Variants in PLXNA4 observed in about 807,000 individuals in gnomAD.
PLXNA4 encodes plexin-A4.
PLXNA4 carries 44 observed loss-of-function variants against 191.8 expected under a neutral mutation model. The observed-to-expected ratio is 0.23, with a 90% CI of 0.18 to 0.29. PLXNA4 has a LOEUF of 0.29. Among genes scored for constraint, PLXNA4 ranks in the 10% least tolerant of loss-of-function variants. The pLI is 1.00. For missense variants in PLXNA4, 1,800 were observed against 2,488.8 expected (o/e 0.72, Z 5.89); for synonymous variants, 1,082 against 1,009.5 (o/e 1.07, Z -1.36).
chr7:132,315,329 T>G (rs1213545835), intron 3 of PLXNA4, among the ~76,000 whole-genome samples: 4 of 152,160 alleles, frequency 2.6e-5, no homozygotes, highest in Admixed American at 6.5e-5. Context: ...GTTTCTACCC[T>G]CAAAGACTTC....
chr7:132,197,592 G>A (rs1239003304), intron 13 of PLXNA4, among the ~76,000 whole-genome samples: 2 of 152,278 alleles, frequency 1.3e-5, no homozygotes, highest in East Asian at 3.9e-4. Context: ...TAACTAAGTG[G>A]TGATGGACCA....
rs530290485 is a variant in PLXNA4 at position 132,274,143 on chromosome 7, C to T, written c.1503+23948G>A. 7.4e-4 allele frequency among the ~76,000 whole-genome samples: 112 copies of T among 152,134 alleles called. 6 individuals are homozygous for T. The South Asian group carries it at 0.023, about 31-fold the overall frequency. The stretch of plus-strand genomic sequence containing the variant: ...AAGGCAAAAATATGGTGACAGAATA[C>T]AGGTCAGTGATTTCCAGGTGCTGGA... On this transcript the variant is annotated intron_variant, in intron 4 of 31. Transcript: ENST00000321063.
intron 3 of PLXNA4, among the ~76,000 whole-genome samples, chr7:132,479,764 C>A (rs1797268148): frequency 6.6e-6 from 1 of 152,264 alleles, no homozygotes; most frequent in East Asian, 1.9e-4. Flanking sequence ...ATTCTCCTGC[C>A]TCAGCCTCTG....
chr7:132,450,998 C>G (rs1345353354), intron 3 of PLXNA4, among the ~76,000 whole-genome samples: 2 of 152,236 alleles, frequency 1.3e-5, no homozygotes. Flanking sequence ...AGGTCACCCT[C>G]TCTTCTGTAG....
rs546275527 is a variant in PLXNA4, at chr7:132,169,317, G to C, written c.4018-745C>G. On this transcript the variant is annotated intron_variant, in intron 21 of 31. Coordinates refer to ENST00000321063, the MANE Select transcript of PLXNA4 (RefSeq NM_020911.2). ...TCTGTTCATTGGGAGATCTCTGCAA[G>C]GGTGTACCATTCACTCAGCAAACAC... Among the ~76,000 whole-genome samples, 12 of 152,364 alleles carry C rather than the reference G, an allele frequency of 7.9e-5. No individual in the cohort carries two copies. The East Asian group carries it at 2.3e-3, about 29-fold the overall frequency.
chr7:132,161,523 G>C (rs547037300), intron 24 of PLXNA4, among the ~76,000 whole-genome samples: 2 of 152,342 alleles, frequency 1.3e-5, no homozygotes, highest in South Asian at 4.1e-4. Flanking sequence ...GGGCTTTGTT[G>C]AGATACAAAA....
intron 14 of PLXNA4, among the ~76,000 whole-genome samples, chr7:132,192,707 A>G (rs1409939090): frequency 2.0e-5 from 3 of 152,134 alleles, no homozygotes; most frequent in African/African-American, 4.8e-5. Context: ...AAATTATACC[A>G]TTACAGCTGT....
At chr7:132,540,689 G>A (rs982931318) in intron 1 of PLXNA4, among the ~76,000 whole-genome samples, 12 of 143,024 alleles carry the variant, frequency 8.4e-5, no homozygotes, top group African/African-American at 3.1e-4. Context: ...CCGGGTTCAC[G>A]CCATTCTCCT....
intron 2 of PLXNA4, among the ~76,000 whole-genome samples, chr7:132,626,182 T>A (rs1803368532): frequency 6.6e-6 from 1 of 152,128 alleles, no homozygotes; most frequent in Non-Finnish European, 1.5e-5. Context: ...TCTAAGTACC[T>A]CTGAAATCTA....
chr7:132,361,769 C>T (rs1290766472), intron 3 of PLXNA4, among the ~76,000 whole-genome samples: 1 of 152,044 alleles, frequency 6.6e-6, no homozygotes, highest in Admixed American at 6.5e-5. Context: ...TGTCTGAAAA[C>T]AATTTTGTTT....
intron 21 of PLXNA4, 53 bp from the exon 22 acceptor site, chr7:132,168,625 G>A (rs1019431595): frequency 3.3e-6 from 5 of 1,523,712 alleles, no homozygotes; most frequent in Non-Finnish European, 3.5e-6. Context: ...GGAGCTCAGT[G>A]ACCTCCCCAC....
chr7:132,241,404 ACT>A (rs1798872650), intron 4 of PLXNA4, among the ~76,000 whole-genome samples: 1 of 152,074 alleles, frequency 6.6e-6, no homozygotes, highest in Non-Finnish European at 1.5e-5. Flanking sequence ...ATGAATACAG[ACT>A]CCATACAGTC....
At chr7:132,377,291 T>TA (rs1706034372) in intron 3 of PLXNA4, among the ~76,000 whole-genome samples, 3 of 152,232 alleles carry the variant, frequency 2.0e-5, no homozygotes, top group Non-Finnish European at 4.4e-5. Flanking sequence ...ATCCTAAAGA[T>TA]AATTTTTTCC....
chr7:132,529,757 C>T (rs1039897230), intron 1 of PLXNA4, among the ~76,000 whole-genome samples: 4 of 152,086 alleles, frequency 2.6e-5, no homozygotes, highest in Admixed American at 2.6e-4. Flanking sequence ...AGGTGCCTGC[C>T]ACCATGCCCG....
intron 3 of PLXNA4, among the ~76,000 whole-genome samples, chr7:132,307,277 C>CTCCCCAT (rs1205763266): frequency 6.6e-6 from 1 of 152,196 alleles, no homozygotes; most frequent in Non-Finnish European, 1.5e-5. Flanking sequence ...CCAATCCCCT[C>CTCCCCAT]TCCCCATTCT....
chr7:132,256,890 T>TG (rs774697549), intron 4 of PLXNA4, among the ~76,000 whole-genome samples: 267 of 151,726 alleles, frequency 1.8e-3, no homozygotes, highest in Non-Finnish European at 3.3e-3. Context: ...AGGGACAGGG[T>TG]GGGGGTGAGC....
chr7:132,146,640 G>C lies in PLXNA4; in HGVS notation c.4925C>G (p.Thr1642Ser). ...DSLRSRTPMI[T>S]PDLESGVKMW... ...CTTGACTCCACTCTCCAGGTCAGGA[G>C]TGATCATAGGTGTCCGTGAGCGGAG... Residue 1642 changes from threonine (T) to serine (S), a missense_variant, in exon 28 of 32, where the codon ACT (threonine) becomes AGT (serine). Thr to Ser is a moderately conservative substitution (Grantham distance 58). Transcript: ENST00000321063. The C allele has an allele frequency of 6.2e-7, 1 of 1,614,206 alleles. No individual in the cohort carries two copies. Among genetic ancestry groups the C allele is most frequent in the Non-Finnish European group, 8.5e-7 (1 of 1,180,036 alleles).
chr7:132,477,489 T>C (rs932735668), intron 3 of PLXNA4, among the ~76,000 whole-genome samples: 1 of 152,132 alleles, frequency 6.6e-6, no homozygotes, highest in South Asian at 2.1e-4. Context: ...CAGCCCAGGG[T>C]GCACATGAAC....
intron 4 of PLXNA4, among the ~76,000 whole-genome samples, chr7:132,280,270 G>T (rs541503799): frequency 6.6e-6 from 1 of 152,060 alleles, no homozygotes; most frequent in African/African-American, 2.4e-5. Context: ...ACAAGAGATC[G>T]AGAGATTGAG....
Sources: allele counts gnomAD v4.1 joint callset (sites outside exome capture counted in the v4.1 genomes callset), GRCh38; gene constraint gnomAD v4.1.1; transcripts MANE v1.5; gene names NCBI Gene and HGNC (gene_info 2026-07-23, HGNC 2026-07-21).